Variants in PPAT observed in about 807,000 individuals in gnomAD.
PPAT encodes the protein phosphoribosyl pyrophosphate amidotransferase, also known as amidophosphoribosyltransferase.
Under a neutral mutation model 60.2 loss-of-function variants are expected in PPAT, and 20 were observed. The ratio of observed to expected loss-of-function variants is 0.33; its 90% CI spans 0.23 to 0.48. The LOEUF (loss-of-function observed/expected upper bound fraction) is 0.48, where lower values mean the gene tolerates loss of function less well. Ranked by LOEUF, PPAT falls within the 20% of genes least tolerant of loss-of-function variation. The pLI, the probability that PPAT is intolerant of heterozygous loss-of-function variation, is 0.99. For synonymous variants in PPAT, 194 were observed against 215.1 expected (o/e 0.90, Z 0.86); for missense variants, 349 against 629.6 (o/e 0.55, Z 4.77).
At chr4:56,435,017 G>A (rs1229773577) in intron 1 of PPAT, among the ~76,000 whole-genome samples, 1 of 152,182 alleles carries the variant, frequency 6.6e-6, no homozygotes, top group Non-Finnish European at 1.5e-5. Flanking sequence ...GCCTGCAGTC[G>A]GGGAGGAGCC....
At chr4:56,409,142 C>A (rs1716338972) in intron 1 of PPAT, among the ~76,000 whole-genome samples, 1 of 152,174 alleles carries the variant, frequency 6.6e-6, no homozygotes, top group Admixed American at 6.5e-5. Flanking sequence ...GTTTTCACAA[C>A]AATCCTATGA....
chr4:56,423,479 A>T (rs1433528880), intron 1 of PPAT: 1 of 152,162 alleles, frequency 6.6e-6, no homozygotes, highest in East Asian at 1.9e-4. Flanking sequence ...ATAAAATTTT[A>T]AAAAATAAGA....
intron 1 of PPAT, among the ~76,000 whole-genome samples, chr4:56,417,316 TCAAAG>T (rs1010995028): frequency 6.6e-6 from 1 of 151,260 alleles, no homozygotes; most frequent in African/African-American, 2.4e-5. Context: ...GAAAAGCATT[TCAAAG>T]CAAAGACATT....
At chr4:56,399,059 G>A in intron 9 of PPAT, 120 bp downstream of exon 9, 1 of 819,072 alleles carries the variant, frequency 1.2e-6, no homozygotes, top group East Asian at 2.7e-5. Flanking sequence ...AAACCAAACT[G>A]ATAAAAAAAG....
At chr4:56,435,145 G>A (rs2110074324) in intron 1 of PPAT, among the ~76,000 whole-genome samples, 2 of 152,348 alleles carry the variant, frequency 1.3e-5, no homozygotes, top group East Asian at 3.9e-4. Flanking sequence ...GGCTGGGAGG[G>A]TGGGCAGGAC....
At position 56,414,024 on chromosome 4, in the gene PPAT, T is replaced by G. The variant is rs539899397; in HGVS notation, c.129-6308A>C. Among the ~76,000 whole-genome samples, 3 of 152,330 alleles carry G rather than the reference T, an allele frequency of 2.0e-5. No homozygotes were observed. In the East Asian group the frequency reaches 5.8e-4, roughly 29 times the overall value. ...AATTACCAGTAAGGTAGAACACTTT[T>G]CTATACAATTTTACAAACTGACCAT... On this transcript the variant is annotated intron_variant, in intron 1 of 10. Coordinates refer to ENST00000264220, the MANE Select transcript of PPAT (RefSeq NM_002703.5).
chr4:56,399,477 GC>G, intron 8 of PPAT, 77 bp from the exon 9 acceptor site: 1 of 1,073,324 alleles, frequency 9.3e-7, no homozygotes, highest in Non-Finnish European at 1.3e-6. Flanking sequence ...TTGTGTTGCC[GC>G]CACAATATTC....
At chr4:56,398,090 C>T (rs190149920) in intron 9 of PPAT, among the ~76,000 whole-genome samples, 7 of 152,140 alleles carry the variant, frequency 4.6e-5, no homozygotes, top group African/African-American at 7.2e-5. Flanking sequence ...ATAACTTGGC[C>T]GGGCACGATG....
At chr4:56,401,557 GCA>G in intron 6 of PPAT, 76 bp from the exon 7 acceptor site, 5 of 1,290,656 alleles carry the variant, frequency 3.9e-6, no homozygotes, top group African/African-American at 1.5e-5. Context: ...TAATTATAAA[GCA>G]CACAGAGTAC....
intron 1 of PPAT, 26 bp downstream of exon 1, chr4:56,435,324 C>T (rs200428268): frequency 3.1e-6 from 5 of 1,612,782 alleles, no homozygotes; most frequent in East Asian, 2.2e-5. Flanking sequence ...GACGCACGCC[C>T]CCGCCACCCC....
At chr4:56,400,982 A>G in intron 7 of PPAT, 71 bp from the exon 8 acceptor site, 1 of 1,431,110 alleles carries the variant, frequency 7.0e-7, no homozygotes, top group Non-Finnish European at 9.7e-7. Context: ...CTAAAAAACT[A>G]GTGCTAGAAT....
intron 1 of PPAT, 42 bp downstream of exon 1, chr4:56,435,308 G>A (rs1451528725): frequency 1.2e-6 from 2 of 1,610,744 alleles, no homozygotes; most frequent in African/African-American, 1.3e-5. Context: ...GGCTCCGAGA[G>A]ATGGAGACGC....
intron 3 of PPAT, 58 bp from the exon 4 acceptor site, chr4:56,403,459 A>G: frequency 2.4e-6 from 3 of 1,274,480 alleles, no homozygotes; most frequent in Non-Finnish European, 3.3e-6. Context: ...CCCACCCCAA[A>G]CCCAGTAGCC....
At chr4:56,403,432 CA>C in intron 3 of PPAT, 31 bp from the exon 4 acceptor site, 1 of 1,541,524 alleles carries the variant, frequency 6.5e-7, no homozygotes, top group Non-Finnish European at 8.9e-7. Context: ...GTTTAATCAT[CA>C]GAGGGGAAGC....
At chr4:56,404,797 G>T (rs1047964393) in intron 3 of PPAT, among the ~76,000 whole-genome samples, 2 of 152,124 alleles carry the variant, frequency 1.3e-5, no homozygotes, top group African/African-American at 4.8e-5. Context: ...TCTAAAGACA[G>T]AACTAAAAAA....
chr4:56,434,814 C>T (rs2110073891), intron 1 of PPAT, among the ~76,000 whole-genome samples: 2 of 152,350 alleles, frequency 1.3e-5, no homozygotes, highest in Middle Eastern at 6.8e-3. Flanking sequence ...TGAAGTCTAG[C>T]ATCCTCAAGT....
chr4:56,407,422 G>A (rs1411326667), intron 2 of PPAT, among the ~76,000 whole-genome samples: 1 of 151,682 alleles, frequency 6.6e-6, no homozygotes, highest in African/African-American at 2.4e-5. Context: ...AGGTTCAAAC[G>A]ATTCTCTTAC....
chr4:56,401,510 C>T, intron 6 of PPAT, 29 bp from the exon 7 acceptor site: 1 of 1,552,092 alleles, frequency 6.4e-7, no homozygotes, highest in Non-Finnish European at 8.8e-7. Flanking sequence ...AGAAAGAAGA[C>T]TTTTAATAAA....
chr4:56,398,457 C>T (rs1716037380), intron 9 of PPAT, among the ~76,000 whole-genome samples: 1 of 152,028 alleles, frequency 6.6e-6, no homozygotes. Context: ...AATCAATACT[C>T]CATTGATTTT....
Sources: gnomAD v4.1 joint callset for allele counts (sites outside exome capture counted in the v4.1 genomes callset) on GRCh38, gnomAD v4.1.1 for gene constraint, MANE v1.5 for transcripts, NCBI Gene and HGNC (gene_info 2026-07-23, HGNC 2026-07-21) for gene names.